CLASP2: variants seen among roughly 807,000 people sequenced by gnomAD.
CLASP2 encodes CLIP-associating protein 2.
In CLASP2, 47 loss-of-function variants were observed where a neutral mutation model predicts 194.4. That is an observed-to-expected ratio of 0.24 (90% CI 0.19 to 0.31). The LOEUF is 0.31. Ranked by LOEUF, CLASP2 falls within the 10% of genes least tolerant of loss-of-function variation. The pLI is 1.00. For synonymous variants in CLASP2, 619 were observed against 633.5 expected (o/e 0.98, Z 0.34); for missense variants, 1,445 against 1,823.6 (o/e 0.79, Z 3.78).
At chr3:33,665,033 A>G (rs1318889216) in intron 6 of CLASP2, among the ~76,000 whole-genome samples, 6 of 151,944 alleles carry the variant, frequency 3.9e-5, no homozygotes, top group Non-Finnish European at 7.4e-5. Context: ...CCTGGGAGAC[A>G]GAAGTTGCAG....
chr3:33,696,694 G>C (rs972861976), intron 2 of CLASP2, among the ~76,000 whole-genome samples, 161 bp downstream of exon 2: 8 of 151,958 alleles, frequency 5.3e-5, no homozygotes, highest in Admixed American at 6.6e-5. Flanking sequence ...TCAAACTTCT[G>C]ACCTTTGGTG....
At position 33,584,825 on chromosome 3, in the gene CLASP2, A is replaced by C; in HGVS notation, c.2164T>G (p.Ser722Ala). The stretch of plus-strand genomic sequence containing the variant: ...GGTATCTTGCTTCTTTTTTGTGCTG[A>C]GGCTGAATTGACCAGGACTCTTTGA... ...GVQRVLVNSA[S>A]AQKRSKIPRS... The change falls in exon 22 of 39, where the codon TCA (serine) becomes GCA (alanine). Residue 722 changes from serine to alanine, a missense_variant. By Grantham distance (99) the Ser-to-Ala change is moderately conservative. This residue lies in a region of CLASP2 where 732 missense variants were observed against 987.9 expected (regional missense o/e 0.74). Transcript: ENST00000682230. The C allele has an allele frequency of 6.2e-7, 1 of 1,613,348 alleles. No individual in the cohort carries two copies. The highest frequency in any genetic ancestry group is 8.5e-7 in the Non-Finnish European group (1 of 1,179,788).
chr3:33,644,464 AAAAAAAAC>A (rs535352996), intron 8 of CLASP2: 281 of 359,094 alleles, frequency 7.8e-4, no homozygotes, highest in African/African-American at 4.7e-3. Flanking sequence ...TTCTCTGCTT[AAAAAAAAC>A]AAAAAAACCC....
chr3:33,682,906 C>G (rs1420445466), intron 6 of CLASP2: 1 of 152,174 alleles, frequency 6.6e-6, no homozygotes, highest in African/African-American at 2.4e-5. Flanking sequence ...TACAGTCTAC[C>G]TGTATGTTAA....
chr3:33,696,353 C>CTTTTT (rs962854814), intron 2 of CLASP2, among the ~76,000 whole-genome samples: 1,048 of 52,704 alleles, frequency 0.02, 1 homozygote, highest in Middle Eastern at 0.036. Flanking sequence ...TTCTTTCTTT[C>CTTTTT]TTTTTTTTTT....
At chr3:33,582,129 T>C (rs1407288253) in intron 22 of CLASP2, among the ~76,000 whole-genome samples, 1 of 152,212 alleles carries the variant, frequency 6.6e-6, no homozygotes, top group Non-Finnish European at 1.5e-5. Flanking sequence ...TGTATGAAAT[T>C]AGAAGGGCAA....
At chr3:33,700,721 G>A (rs2092317844) in intron 1 of CLASP2, among the ~76,000 whole-genome samples, 1 of 151,532 alleles carries the variant, frequency 6.6e-6, no homozygotes, top group South Asian at 2.1e-4. Context: ...GTGGTGGTGG[G>A]TGCCTGTAAT....
intron 33 of CLASP2, 72 bp downstream of exon 33, chr3:33,538,717 G>A (rs1283041895): frequency 1.6e-6 from 2 of 1,280,302 alleles, no homozygotes; most frequent in Non-Finnish European, 2.1e-6. Context: ...ATGACAGAAA[G>A]CAAAATGTAA....
At chr3:33,681,313 C>T (rs1219154961) in intron 6 of CLASP2, among the ~76,000 whole-genome samples, 1 of 151,976 alleles carries the variant, frequency 6.6e-6, no homozygotes. Flanking sequence ...ATGATCAAGT[C>T]AACAAAAAGC....
intron 31 of CLASP2, 22 bp downstream of exon 31, chr3:33,544,676 C>G (rs1444690833): frequency 3.8e-6 from 6 of 1,596,860 alleles, no homozygotes; most frequent in Non-Finnish European, 5.1e-6. Context: ...ATATGATAGC[C>G]AAGAAAATAA....
rs766683748 is a variant in CLASP2 at position 33,612,121 on chromosome 3, G to T, written c.1318-50C>A. 11 of 1,155,544 alleles carry T rather than the reference G, an allele frequency of 9.5e-6. No individual in the cohort carries two copies. In the South Asian group the frequency reaches 1.3e-4, roughly 14 times the overall value. 71.6% of individuals were successfully genotyped at this position (1,155,544 alleles called of 1,614,324 possible). ...TTGAAAATACTACACACTTCATGTG[G>T]TCCTTTCTTCTATTTGCCTTACATT... On this transcript the variant is annotated intron_variant, in intron 12 of 38. Transcript: ENST00000682230.
At chr3:33,618,594 C>T (rs375217152) in intron 12 of CLASP2, among the ~76,000 whole-genome samples, 1 of 152,076 alleles carries the variant, frequency 6.6e-6, no homozygotes. Context: ...TTGCAGTGAG[C>T]TGAGATCGTA....
At chr3:33,582,021 T>G (rs766064648) in intron 22 of CLASP2, 93 bp from the exon 23 acceptor site, 24 of 699,558 alleles carry the variant, frequency 3.4e-5, no homozygotes, top group Non-Finnish European at 5.3e-5. Context: ...TCTTAAAGAC[T>G]GAACAGTAAC....
Position 33,501,730 on chromosome 3 carries a change from A to G in CLASP2, c.4356T>C (p.Cys1452=). 1 of 1,613,798 alleles carries G rather than the reference A, an allele frequency of 6.2e-7. No individual in the cohort carries two copies. The change falls in exon 38 of 39, where the codon TGT becomes TGC. Residue 1452 remains cysteine (C), a synonymous_variant. Coordinates refer to ENST00000682230, the MANE Select transcript of CLASP2 (RefSeq NM_001365631.1). ...CATGAACAGCCACCAGGCAGAAGACACAAGCTTTCCGAACACTGCTCTCTG... is the reference window on the plus strand; with the variant it reads ...CATGAACAGCCACCAGGCAGAAGACGCAAGCTTTCCGAACACTGCTCTCTG... ...DNSESSVRKA[C]VFCLVAVHAV...
chr3:33,586,211 T>C (rs1470192397), intron 21 of CLASP2, among the ~76,000 whole-genome samples: 1 of 151,992 alleles, frequency 6.6e-6, no homozygotes, highest in Non-Finnish European at 1.5e-5. Context: ...CTCGGCTCAC[T>C]GCAACTTCCG....
intron 30 of CLASP2, among the ~76,000 whole-genome samples, chr3:33,550,237 A>C (rs1490776427): frequency 6.6e-6 from 1 of 151,744 alleles, no homozygotes; most frequent in Non-Finnish European, 1.5e-5. Context: ...AAACCCCAAA[A>C]ATATAAAAAT....
chr3:33,498,751 C>G lies in CLASP2; in HGVS notation c.4435-34G>C, dbSNP rs759768959. 3 of 1,362,776 alleles carry G rather than the reference C, an allele frequency of 2.2e-6. No individual in the cohort carries two copies. In the South Asian group the frequency reaches 3.5e-5, roughly 16 times the overall value. The allele number at this position is 1,362,776 out of a possible 1,614,324, so 84.4% of individuals were successfully genotyped here. A position where few individuals can be genotyped will look rare whatever the true frequency, so the allele number is the denominator to read the frequency against. ...TCAAGCCAAATAAATGTCATTTGAG[C>G]AAGCTGCTCCAAATTATAAGATACT... On this transcript the variant is annotated intron_variant, in intron 38 of 38. Transcript: ENST00000682230.
At chr3:33,599,997 T>C (rs1312557778) in intron 18 of CLASP2, among the ~76,000 whole-genome samples, 3 of 152,182 alleles carry the variant, frequency 2.0e-5, no homozygotes, top group Non-Finnish European at 2.9e-5. Flanking sequence ...GGCTTTCTAG[T>C]GCACATTAAA....
chr3:33,628,731 C>G (rs1013319729), intron 9 of CLASP2, among the ~76,000 whole-genome samples: 1 of 151,946 alleles, frequency 6.6e-6, no homozygotes, highest in African/African-American at 2.4e-5. Flanking sequence ...GTTAAAATCT[C>G]GGCATTATCT....
Sources: allele counts gnomAD v4.1 joint callset (sites outside exome capture counted in the v4.1 genomes callset), GRCh38; gene constraint gnomAD v4.1.1; regional missense constraint gnomAD v4.1.1; transcripts MANE v1.5; gene names NCBI Gene and HGNC (gene_info 2026-07-23, HGNC 2026-07-21).